The following DENND1A variants were observed in gnomAD, a reference collection of about 807,000 sequenced individuals.
DENND1A encodes the protein DENN domain-containing protein 1A.
In DENND1A, 51 loss-of-function variants were observed where a neutral mutation model predicts 113.7. The observed-to-expected ratio is 0.45, with a 90% confidence interval of 0.36 to 0.57. DENND1A has a LOEUF of 0.57. Ranked by LOEUF, DENND1A falls within the 20% of genes least tolerant of loss-of-function variation. The pLI, the probability that DENND1A is intolerant of heterozygous loss-of-function variation, is 0.00. For missense variants in DENND1A, 1,258 were observed against 1,395.9 expected (o/e 0.90, Z 1.57); for synonymous variants, 565 against 570.8 (o/e 0.99, Z 0.14).
intron 21 of DENND1A, among the ~76,000 whole-genome samples, chr9:123,399,426 C>T (rs1250739018): frequency 6.6e-6 from 1 of 152,012 alleles, no homozygotes; most frequent in Admixed American, 6.5e-5. Flanking sequence ...TGTGCAGTGT[C>T]ATGATCTCAG....
At chr9:123,854,691 T>A in intron 2 of DENND1A, among the ~76,000 whole-genome samples, 1 of 83,694 alleles carries the variant, frequency 1.2e-5, no homozygotes, top group African/African-American at 2.9e-5. Context: ...TGATACTCTG[T>A]CTCAAAAAAA....
At chr9:123,792,518 C>A in intron 3 of DENND1A, 69 bp downstream of exon 3, 1 of 1,483,426 alleles carries the variant, frequency 6.7e-7, no homozygotes, top group Non-Finnish European at 9.3e-7. Context: ...GTAAAAAGAA[C>A]AGTAATAATA....
intron 2 of DENND1A, among the ~76,000 whole-genome samples, chr9:123,832,209 T>C (rs1193049607): frequency 1.3e-5 from 2 of 152,028 alleles, no homozygotes; most frequent in Non-Finnish European, 2.9e-5. Flanking sequence ...ATCTAGAGTA[T>C]ACAAAGAATT....
intron 9 of DENND1A, among the ~76,000 whole-genome samples, chr9:123,639,446 C>A (rs561986069): frequency 6.6e-5 from 9 of 135,752 alleles, no homozygotes; most frequent in South Asian, 2.4e-4. Context: ...ATCCCCCCAA[C>A]CCCCTACCAA....
At chr9:123,606,301 TC>T (rs1386530386) in intron 11 of DENND1A, among the ~76,000 whole-genome samples, 1 of 152,128 alleles carries the variant, frequency 6.6e-6, no homozygotes, top group African/African-American at 2.4e-5. Flanking sequence ...GTGGGACAAC[TC>T]CCATTTTTGT....
At chr9:123,618,044 G>A (rs917087272) in intron 10 of DENND1A, among the ~76,000 whole-genome samples, 2 of 152,144 alleles carry the variant, frequency 1.3e-5, no homozygotes, top group South Asian at 2.1e-4. Context: ...TTGCAGCCTC[G>A]CCTTTCCATT....
intron 5 of DENND1A, among the ~76,000 whole-genome samples, chr9:123,726,942 G>A (rs916617908): frequency 6.6e-6 from 1 of 152,184 alleles, no homozygotes; most frequent in Non-Finnish European, 1.5e-5. Flanking sequence ...AAAGGCCAGG[G>A]ACTCTGTGGT....
At chr9:123,738,028 A>T (rs1465197687) in intron 5 of DENND1A, among the ~76,000 whole-genome samples, 2 of 152,246 alleles carry the variant, frequency 1.3e-5, no homozygotes, top group East Asian at 3.8e-4. Flanking sequence ...TAGAAGAGTA[A>T]GAAATTGAAA....
intron 13 of DENND1A, among the ~76,000 whole-genome samples, chr9:123,525,329 G>T (rs2054736527): frequency 6.6e-6 from 1 of 152,212 alleles, no homozygotes; most frequent in South Asian, 2.1e-4. Flanking sequence ...ATTTACTCTT[G>T]TTGGGGGTAA....
At chr9:123,754,811 T>G (rs1390624362) in intron 5 of DENND1A, among the ~76,000 whole-genome samples, 1 of 152,192 alleles carries the variant, frequency 6.6e-6, no homozygotes, top group Non-Finnish European at 1.5e-5. Context: ...TTCTCACAAA[T>G]ATGAAATCCA....
At chr9:123,584,026 T>C (rs1004368395) in intron 11 of DENND1A, among the ~76,000 whole-genome samples, 1 of 152,198 alleles carries the variant, frequency 6.6e-6, no homozygotes, top group African/African-American at 2.4e-5. Flanking sequence ...AGACAGGGTG[T>C]AGCCTGAGTT....
chr9:123,665,346 T>C (rs1177358697), intron 8 of DENND1A, among the ~76,000 whole-genome samples: 4 of 152,152 alleles, frequency 2.6e-5, no homozygotes, highest in Non-Finnish European at 5.9e-5. Context: ...ACCAAATATA[T>C]AATATTTCGA....
At chr9:123,577,258 C>A (rs2058681875) in intron 12 of DENND1A, among the ~76,000 whole-genome samples, 2 of 151,970 alleles carry the variant, frequency 1.3e-5, no homozygotes, top group Admixed American at 6.6e-5. Context: ...TATCTCATAT[C>A]CTCTTAATCC....
chr9:123,783,801 C>A (rs1831686373), intron 3 of DENND1A, among the ~76,000 whole-genome samples: 1 of 152,208 alleles, frequency 6.6e-6, no homozygotes, highest in South Asian at 2.1e-4. Flanking sequence ...GTTCACTGAG[C>A]CCCCAATCTG....
At chr9:123,550,857 G>T (rs78697091) in intron 13 of DENND1A, among the ~76,000 whole-genome samples, 3,093 of 152,300 alleles carry the variant, frequency 0.02, 42 homozygotes, top group Non-Finnish European at 0.033. Flanking sequence ...TGCAGAGAAA[G>T]GACCCTCGGC....
intron 20 of DENND1A, among the ~76,000 whole-genome samples, chr9:123,409,107 C>G (rs183085650): frequency 7.1e-4 from 108 of 152,260 alleles, no homozygotes; most frequent in Non-Finnish European, 1.3e-3. Context: ...ATGGCATCTG[C>G]CTGCTCTGGG....
intron 2 of DENND1A, chr9:123,843,245 A>C (rs1466123413): frequency 3.2e-5 from 16 of 500,420 alleles, no homozygotes; most frequent in Admixed American, 2.6e-4. Context: ...CCCCTAAAAA[A>C]GTTCATTATC....
chr9:123,838,712 TCA>T, intron 2 of DENND1A, among the ~76,000 whole-genome samples: 1 of 152,270 alleles, frequency 6.6e-6, no homozygotes, highest in South Asian at 2.1e-4. Flanking sequence ...CCTTCTACAT[TCA>T]GTTTCCTTGT....
intron 5 of DENND1A, among the ~76,000 whole-genome samples, chr9:123,713,708 A>G (rs77985798): frequency 3.5e-3 from 527 of 152,020 alleles, no homozygotes; most frequent in African/African-American, 0.012. Flanking sequence ...AAAAAAAACT[A>G]GACTCTCCTG....
Sources: allele counts gnomAD v4.1 joint callset (sites outside exome capture counted in the v4.1 genomes callset), GRCh38; gene constraint gnomAD v4.1.1; transcripts MANE v1.5; gene names NCBI Gene and HGNC (gene_info 2026-07-23, HGNC 2026-07-21).